Variants in GRID1 observed in about 807,000 individuals in gnomAD.
GRID1 encodes glutamate ionotropic receptor delta type subunit 1.
In GRID1, 28 loss-of-function variants were observed where a neutral mutation model predicts 98.0. The observed-to-expected ratio is 0.29, with a 90% confidence interval of 0.21 to 0.39. GRID1 has a LOEUF of 0.39. Ranked by LOEUF, GRID1 falls within the 10% of genes least tolerant of loss-of-function variation. GRID1 has a pLI of 1.00. For synonymous variants in GRID1, 553 were observed against 538.5 expected (o/e 1.03, Z -0.37); for missense variants, 1,111 against 1,340.5 (o/e 0.83, Z 2.67).
chr10:86,176,817 G>C (rs140187471), intron 3 of GRID1, among the ~76,000 whole-genome samples: 33 of 152,250 alleles, frequency 2.2e-4, no homozygotes, highest in African/African-American at 7.9e-4. Context: ...GACTGTAATG[G>C]TGCAGATGGA....
chr10:85,925,018 T>C (rs1841755540), intron 4 of GRID1, among the ~76,000 whole-genome samples: 1 of 152,160 alleles, frequency 6.6e-6, no homozygotes, highest in Middle Eastern at 3.2e-3. Context: ...ATGTGGACAA[T>C]TTATAAGGAA....
intron 8 of GRID1, among the ~76,000 whole-genome samples, chr10:85,776,859 T>C (rs1842336349): frequency 6.6e-6 from 1 of 152,216 alleles, no homozygotes; most frequent in African/African-American, 2.4e-5. Flanking sequence ...TCAAGTCTGC[T>C]AGTCCTTGTG....
At chr10:85,965,799 T>C (rs1436631019) in intron 4 of GRID1, among the ~76,000 whole-genome samples, 1 of 152,038 alleles carries the variant, frequency 6.6e-6, no homozygotes, top group Non-Finnish European at 1.5e-5. Flanking sequence ...AAAAAAAACT[T>C]TCTCACAACC....
intron 8 of GRID1, among the ~76,000 whole-genome samples, chr10:85,789,337 T>TG (rs1290817019): frequency 6.6e-6 from 1 of 152,066 alleles, no homozygotes; most frequent in African/African-American, 2.4e-5. Flanking sequence ...CAGAGGGCCC[T>TG]GGGGAAGATG....
chr10:86,201,930 A>G (rs1258912787), intron 3 of GRID1, among the ~76,000 whole-genome samples: 1 of 152,214 alleles, frequency 6.6e-6, no homozygotes, highest in Non-Finnish European at 1.5e-5. Flanking sequence ...TGAAGCACAC[A>G]AGGGCTCCTT....
At chr10:86,285,354 C>A (rs1349711702) in intron 2 of GRID1, among the ~76,000 whole-genome samples, 1 of 152,196 alleles carries the variant, frequency 6.6e-6, no homozygotes, top group African/African-American at 2.4e-5. Context: ...CATGGTGAAG[C>A]CCTGTGGTGA....
intron 12 of GRID1, among the ~76,000 whole-genome samples, chr10:85,678,148 G>C (rs1841166562): frequency 6.6e-6 from 1 of 152,086 alleles, no homozygotes; most frequent in African/African-American, 2.4e-5. Context: ...GGCCTTCCTG[G>C]CTCCCTAAGA....
At chr10:85,957,698 C>T (rs1429572843) in intron 4 of GRID1, among the ~76,000 whole-genome samples, 1 of 152,196 alleles carries the variant, frequency 6.6e-6, no homozygotes, top group Non-Finnish European at 1.5e-5. Context: ...AGGATTGGTA[C>T]GGCAAGACTC....
intron 12 of GRID1, among the ~76,000 whole-genome samples, chr10:85,665,581 C>T (rs1168933524): frequency 2.0e-5 from 3 of 152,294 alleles, no homozygotes; most frequent in African/African-American, 4.8e-5. Flanking sequence ...GCAAAAGGAA[C>T]ATACCATCTC....
intron 8 of GRID1, among the ~76,000 whole-genome samples, chr10:85,826,532 G>A (rs141826388): frequency 1.7e-3 from 261 of 152,202 alleles, no homozygotes; most frequent in African/African-American, 5.9e-3. Flanking sequence ...TGTTGCGGGC[G>A]TAAGCATGTG....
At chr10:86,256,437 C>T (rs1486022009) in intron 2 of GRID1, among the ~76,000 whole-genome samples, 1 of 152,132 alleles carries the variant, frequency 6.6e-6, no homozygotes, top group East Asian at 1.9e-4. Flanking sequence ...TGCACTCCAC[C>T]CTGGGTGACA....
At chr10:86,110,240 T>C (rs1169888739) in intron 4 of GRID1, among the ~76,000 whole-genome samples, 2 of 152,074 alleles carry the variant, frequency 1.3e-5, no homozygotes, top group African/African-American at 4.8e-5. Context: ...TCCCAAAGTG[T>C]TGGGATTACA....
chr10:85,820,724 T>G (rs1393817222), intron 8 of GRID1, among the ~76,000 whole-genome samples: 1 of 152,244 alleles, frequency 6.6e-6, no homozygotes, highest in African/African-American at 2.4e-5. Flanking sequence ...TATACCATTA[T>G]ACCATTTATA....
intron 13 of GRID1, among the ~76,000 whole-genome samples, chr10:85,638,209 T>C (rs1843073156): frequency 6.6e-6 from 1 of 152,202 alleles, no homozygotes; most frequent in Non-Finnish European, 1.5e-5. Flanking sequence ...CAAAAGTTGG[T>C]ATTTTTGAAC....
chr10:86,042,670 G>A (rs1314976164), intron 4 of GRID1, among the ~76,000 whole-genome samples: 2 of 152,170 alleles, frequency 1.3e-5, no homozygotes, highest in Admixed American at 6.5e-5. Context: ...AGGAGGAGGT[G>A]GTGGCCCTGC....
rs144483650 is a variant in GRID1, at chr10:86,262,247, G to C, written c.236-55599C>G. 9.1e-3 allele frequency among the ~76,000 whole-genome samples: 1,384 copies of C among 152,354 alleles called. 17 individuals are homozygous for C. Among genetic ancestry groups the C allele is most frequent in the Middle Eastern group, 0.02 (6 of 294 alleles). On this transcript the variant is annotated intron_variant, in intron 2 of 15. Transcript: ENST00000327946. ...GCCCAGGAAGCCAGGCAGAAACCAA[G>C]CACAATGGCTCCTGGAGGCAATGGC...
intron 5 of GRID1, among the ~76,000 whole-genome samples, chr10:85,879,993 C>A (rs1177733511): frequency 1.3e-5 from 2 of 152,164 alleles, no homozygotes; most frequent in East Asian, 1.9e-4. Flanking sequence ...ACTATAAACA[C>A]CTCTATGCAA....
chr10:86,021,045 GACCTGCCT>G (rs1843041546), intron 4 of GRID1, among the ~76,000 whole-genome samples: 1 of 10,230 alleles, frequency 9.8e-5, no homozygotes, highest in Non-Finnish European at 1.7e-4. Context: ...AATTCAACCT[GACCTGCCT>G]GCCTGCCTGC....
intron 4 of GRID1, among the ~76,000 whole-genome samples, chr10:85,923,326 GA>G (rs1841731530): frequency 6.6e-6 from 1 of 152,182 alleles, no homozygotes; most frequent in Non-Finnish European, 1.5e-5. Flanking sequence ...CCAGCTCTAG[GA>G]AAGCCATCTG....
Sources: gnomAD v4.1 joint callset for allele counts (sites outside exome capture counted in the v4.1 genomes callset) on GRCh38, gnomAD v4.1.1 for gene constraint, MANE v1.5 for transcripts, NCBI Gene and HGNC (gene_info 2026-07-23, HGNC 2026-07-21) for gene names.